The following FER variants were observed in gnomAD, a reference collection of about 807,000 sequenced individuals.
The protein encoded by FER is FER tyrosine kinase, also known as tyrosine-protein kinase Fer.
A neutral mutation model predicts 111.0 loss-of-function variants in FER; 63 were observed. That is an observed-to-expected ratio of 0.57 (90% CI 0.46 to 0.70). FER has a LOEUF of 0.70. FER is among the 30% of genes least tolerant of loss of function. The pLI is 0.00. For synonymous variants in FER, 327 were observed against 313.9 expected, an observed-to-expected ratio of 1.04 and a Z score of -0.44; for missense variants, 914 against 954.0, an observed-to-expected ratio of 0.96 and a Z score of 0.55.
At chr5:109,157,824 T>C (rs745988225) in intron 17 of FER, among the ~76,000 whole-genome samples, 16 of 152,150 alleles carry the variant, frequency 1.1e-4, no homozygotes, top group Non-Finnish European at 1.6e-4. Flanking sequence ...AACTACTGTA[T>C]AGCAGCATCT....
At chr5:108,971,584 T>C (rs1760669557) in intron 13 of FER, among the ~76,000 whole-genome samples, 1 of 152,170 alleles carries the variant, frequency 6.6e-6, no homozygotes, top group Non-Finnish European at 1.5e-5. Context: ...CTCAACAATA[T>C]TTTTGTACAA....
intron 17 of FER, among the ~76,000 whole-genome samples, chr5:109,109,733 A>T (rs1176015656): frequency 2.0e-5 from 3 of 152,138 alleles, no homozygotes; most frequent in Non-Finnish European, 4.4e-5. Context: ...AAGATACAGA[A>T]ATGTTCCAGA....
intron 16 of FER, among the ~76,000 whole-genome samples, chr5:109,062,858 A>G (rs1230793103): frequency 2.6e-5 from 4 of 152,166 alleles, no homozygotes; most frequent in South Asian, 2.1e-4. Context: ...ATTATCTGGT[A>G]CAATTCTCAG....
intron 1 of FER, among the ~76,000 whole-genome samples, chr5:108,753,661 ATATTAGTTGTG>A (rs1750748383): frequency 6.6e-6 from 1 of 152,188 alleles, no homozygotes; most frequent in Non-Finnish European, 1.5e-5. Context: ...CCTTATTTGT[ATATTAGTTGTG>A]TCTTTTCCAC....
chr5:108,821,337 A>C (rs1758821800), intron 3 of FER, among the ~76,000 whole-genome samples: 1 of 152,192 alleles, frequency 6.6e-6, no homozygotes, highest in Non-Finnish European at 1.5e-5. Flanking sequence ...CCGGGGAAAG[A>C]GACTAGTCAA....
intron 16 of FER, among the ~76,000 whole-genome samples, chr5:109,078,070 G>C (rs1223921455): frequency 6.6e-6 from 1 of 152,154 alleles, no homozygotes; most frequent in East Asian, 1.9e-4. Context: ...GACTGTAAAA[G>C]TCCAAGGCTG....
chr5:108,793,597 C>G (rs1386148780), intron 2 of FER, among the ~76,000 whole-genome samples: 1 of 150,322 alleles, frequency 6.7e-6, no homozygotes. Context: ...TGAGGAAGCT[C>G]CAAACTGTTC....
chr5:108,835,964 A>G, intron 5 of FER, 157 bp downstream of exon 5: 1 of 412,136 alleles, frequency 2.4e-6, no homozygotes, highest in South Asian at 3.8e-5. Flanking sequence ...CAGTGTAGTA[A>G]GTCTTACTAA....
At chr5:109,171,243 C>T (rs186407668) in intron 17 of FER, among the ~76,000 whole-genome samples, 182 of 152,264 alleles carry the variant, frequency 1.2e-3, no homozygotes, top group African/African-American at 4.3e-3. Flanking sequence ...CAGCAGCCCT[C>T]ATGCTCAGAA....
At chr5:108,792,733 GTA>G (rs561463580) in intron 2 of FER, among the ~76,000 whole-genome samples, 104 of 148,190 alleles carry the variant, frequency 7.0e-4, no homozygotes, top group African/African-American at 2.4e-3. Context: ...TGGTGCTTTT[GTA>G]ATAGAATTGT....
chr5:108,954,384 C>T (rs555987537), intron 11 of FER, among the ~76,000 whole-genome samples: 8 of 152,206 alleles, frequency 5.3e-5, no homozygotes, highest in African/African-American at 1.9e-4. Context: ...TTTTGTGATA[C>T]ATTTCTGTTA....
At chr5:108,908,341 T>A (rs534718281) in intron 10 of FER, among the ~76,000 whole-genome samples, 1 of 152,320 alleles carries the variant, frequency 6.6e-6, no homozygotes, top group East Asian at 1.9e-4. Context: ...TAATAGCTGT[T>A]AAGAATGAAA....
intron 10 of FER, among the ~76,000 whole-genome samples, chr5:108,913,565 C>T (rs1276791054): frequency 6.6e-6 from 1 of 152,106 alleles, no homozygotes; most frequent in Non-Finnish European, 1.5e-5. Context: ...AATATCTTAG[C>T]CACAACCACT....
intron 13 of FER, among the ~76,000 whole-genome samples, chr5:108,970,180 T>C (rs1313070915): frequency 2.7e-5 from 4 of 148,200 alleles, no homozygotes; most frequent in Non-Finnish European, 5.9e-5. Flanking sequence ...CTAAATGAGC[T>C]GCATTATATT....
At chr5:109,158,838 C>A (rs886382804) in intron 17 of FER, among the ~76,000 whole-genome samples, 10 of 151,974 alleles carry the variant, frequency 6.6e-5, no homozygotes, top group Admixed American at 6.6e-4. Context: ...GCCTTTTCTG[C>A]CATATCTTAG....
At chr5:108,983,615 C>T (rs1172598298) in intron 13 of FER, among the ~76,000 whole-genome samples, 1 of 151,932 alleles carries the variant, frequency 6.6e-6, no homozygotes, top group Non-Finnish European at 1.5e-5. Flanking sequence ...ATTTCTAAGC[C>T]ATATGGAATT....
chr5:109,179,662 C>G (rs1342080840), intron 17 of FER, among the ~76,000 whole-genome samples: 1 of 152,042 alleles, frequency 6.6e-6, no homozygotes, highest in East Asian at 1.9e-4. Flanking sequence ...AACATACAAA[C>G]TTCCTTGTCA....
intron 16 of FER, among the ~76,000 whole-genome samples, chr5:109,098,182 T>G (rs1378664493): frequency 6.6e-6 from 1 of 151,776 alleles, no homozygotes; most frequent in Non-Finnish European, 1.5e-5. Context: ...TTTCATTCAT[T>G]ATTTAATGCT....
At chr5:109,015,201 C>G (rs1469440618) in intron 13 of FER, among the ~76,000 whole-genome samples, 1 of 152,054 alleles carries the variant, frequency 6.6e-6, no homozygotes, top group Non-Finnish European at 1.5e-5. Flanking sequence ...GCAACATGTG[C>G]TAGCCCCTTT....
Sources: gnomAD v4.1 joint callset for allele counts (sites outside exome capture counted in the v4.1 genomes callset) on GRCh38, gnomAD v4.1.1 for gene constraint, MANE v1.5 for transcripts, NCBI Gene and HGNC (gene_info 2026-07-23, HGNC 2026-07-21) for gene names.